The following ADGRB3 variants were observed in gnomAD, a reference collection of about 807,000 sequenced individuals.
ADGRB3 encodes the protein brain-specific angiogenesis inhibitor 3.
In ADGRB3, 37 loss-of-function variants were observed where a neutral mutation model predicts 193.4. The ratio of observed to expected loss-of-function variants is 0.19; its 90% CI spans 0.15 to 0.25. ADGRB3 has a LOEUF of 0.25. Among genes scored for constraint, ADGRB3 ranks in the 10% least tolerant of loss-of-function variants. The pLI, the probability that ADGRB3 is intolerant of heterozygous loss-of-function variation, is 1.00. For synonymous variants in ADGRB3, 690 were observed against 644.2 expected, an observed-to-expected ratio of 1.07 and a Z score of -1.08; for missense variants, 1,637 against 1,852.9, an observed-to-expected ratio of 0.88 and a Z score of 2.14.
At chr6:68,685,502 T>C (rs1179756562) in intron 3 of ADGRB3, among the ~76,000 whole-genome samples, 4 of 151,996 alleles carry the variant, frequency 2.6e-5, no homozygotes, top group Non-Finnish European at 4.4e-5. Flanking sequence ...AAATTAAAGT[T>C]CTTTAATATA....
intron 3 of ADGRB3, among the ~76,000 whole-genome samples, chr6:68,745,416 G>T (rs1231857188): frequency 6.6e-6 from 1 of 152,066 alleles, no homozygotes; most frequent in Non-Finnish European, 1.5e-5. Context: ...CAGAAACAAT[G>T]GTGGTTACCA....
chr6:68,654,529 A>C (rs1044410548), intron 3 of ADGRB3, among the ~76,000 whole-genome samples: 4 of 151,956 alleles, frequency 2.6e-5, no homozygotes, highest in Admixed American at 2.6e-4. Flanking sequence ...TGTGAAGAAA[A>C]TCCAGGGATG....
rs1365939506 is a variant in ADGRB3 at position 68,981,161 on chromosome 6, A to G, written c.1734+5821A>G. On this transcript the variant is annotated intron_variant, in intron 10 of 31. Transcript: ENST00000370598. ...GTGAGTACTCACTTACGGAATTCAA[A>G]TAATCATTGCAGAACCCAACAATAA... Among the ~76,000 whole-genome samples, 2 of 151,612 alleles carry G rather than the reference A, an allele frequency of 1.3e-5. 1 individual carries two copies. The highest frequency in any genetic ancestry group is 3.0e-5 in the Non-Finnish European group (2 of 67,762).
chr6:69,268,233 A>G (rs559380977), intron 20 of ADGRB3, among the ~76,000 whole-genome samples: 2 of 152,250 alleles, frequency 1.3e-5, no homozygotes, highest in Non-Finnish European at 1.5e-5. Context: ...CAAGTATAAT[A>G]TTTTATGTTT....
At chr6:69,262,778 G>C (rs1318868374) in intron 20 of ADGRB3, among the ~76,000 whole-genome samples, 4 of 151,722 alleles carry the variant, frequency 2.6e-5, no homozygotes, top group African/African-American at 7.3e-5. Flanking sequence ...ATCTCTTACT[G>C]TGCCTAACTT....
chr6:68,671,820 G>A (rs551990417), intron 3 of ADGRB3, among the ~76,000 whole-genome samples: 1 of 152,100 alleles, frequency 6.6e-6, no homozygotes, highest in African/African-American at 2.4e-5. Context: ...CTCTTGTTCA[G>A]AATAGTTTGA....
chr6:68,902,895 G>A (rs958901663), intron 3 of ADGRB3, among the ~76,000 whole-genome samples: 10 of 152,160 alleles, frequency 6.6e-5, no homozygotes, highest in Non-Finnish European at 1.2e-4. Context: ...TTAATATCAC[G>A]TTTTATTTCA....
chr6:69,358,738 T>A (rs1769383684), intron 28 of ADGRB3, among the ~76,000 whole-genome samples: 2 of 152,008 alleles, frequency 1.3e-5, no homozygotes, highest in South Asian at 4.1e-4. Context: ...CACTACTTGA[T>A]TAGTTTCTCT....
chr6:69,305,166 T>C (rs1582619640), intron 20 of ADGRB3, among the ~76,000 whole-genome samples: 1 of 151,610 alleles, frequency 6.6e-6, no homozygotes, highest in African/African-American at 2.4e-5. Flanking sequence ...GCCTGGCAGA[T>C]GGCAGCCACT....
intron 3 of ADGRB3, among the ~76,000 whole-genome samples, chr6:68,895,235 T>C (rs897484390): frequency 1.3e-5 from 2 of 151,486 alleles, no homozygotes; most frequent in African/African-American, 4.9e-5. Context: ...TTTTTTTTTT[T>C]TAGTTCAATG....
intron 17 of ADGRB3, among the ~76,000 whole-genome samples, chr6:69,095,445 A>G (rs1772845811): frequency 6.6e-6 from 1 of 152,100 alleles, no homozygotes. Flanking sequence ...TGTGGAGGAA[A>G]GCATCATAAA....
chr6:69,084,220 T>A (rs952208529), intron 17 of ADGRB3, among the ~76,000 whole-genome samples: 1 of 152,172 alleles, frequency 6.6e-6, no homozygotes, highest in African/African-American at 2.4e-5. Flanking sequence ...AGTTAAATTA[T>A]ATAATGCTTG....
chr6:68,810,083 A>G (rs1218062559), intron 3 of ADGRB3, among the ~76,000 whole-genome samples: 1 of 152,036 alleles, frequency 6.6e-6, no homozygotes, highest in Admixed American at 6.6e-5. Flanking sequence ...CTGACATTTC[A>G]CTGATTTCAT....
chr6:69,276,685 G>A (rs1767310047), intron 20 of ADGRB3, among the ~76,000 whole-genome samples: 1 of 152,072 alleles, frequency 6.6e-6, no homozygotes, highest in Non-Finnish European at 1.5e-5. Context: ...ATGAATAAAC[G>A]AACAGGGTGC....
intron 3 of ADGRB3, among the ~76,000 whole-genome samples, chr6:68,819,122 A>T (rs560302819): frequency 3.9e-5 from 6 of 152,150 alleles, no homozygotes; most frequent in Non-Finnish European, 7.4e-5. Context: ...ACCTTTATAT[A>T]TGAAAGCAAT....
intron 20 of ADGRB3, among the ~76,000 whole-genome samples, chr6:69,292,723 T>TA (rs576460108): frequency 4.7e-4 from 71 of 152,204 alleles, no homozygotes; most frequent in Admixed American, 4.1e-3. Flanking sequence ...CTTTTTTTTT[T>TA]TTATTATTAC....
chr6:69,112,241 G>A (rs1441333566), intron 17 of ADGRB3, among the ~76,000 whole-genome samples: 1 of 152,042 alleles, frequency 6.6e-6, no homozygotes, highest in African/African-American at 2.4e-5. Flanking sequence ...TCAATTTCTG[G>A]ATCCAAGACA....
At chr6:69,324,783 T>A (rs541619687) in intron 20 of ADGRB3, 89 bp from the exon 21 acceptor site, 2 of 1,397,262 alleles carry the variant, frequency 1.4e-6, no homozygotes, top group African/African-American at 2.9e-5. Flanking sequence ...ATAAAAGCAA[T>A]GAATCAGAGA....
chr6:69,031,216 G>T (rs560350906), intron 13 of ADGRB3, among the ~76,000 whole-genome samples: 4 of 150,686 alleles, frequency 2.7e-5, no homozygotes, highest in South Asian at 2.1e-4. Flanking sequence ...CGAGGCGGGC[G>T]GATCATGAGG....
Sources: gnomAD v4.1 joint callset for allele counts (sites outside exome capture counted in the v4.1 genomes callset) on GRCh38, gnomAD v4.1.1 for gene constraint, MANE v1.5 for transcripts, NCBI Gene and HGNC (gene_info 2026-07-23, HGNC 2026-07-21) for gene names.